STX16: variants seen among roughly 807,000 people sequenced by gnomAD.
STX16 encodes the protein syntaxin 16.
A neutral mutation model predicts 42.7 loss-of-function variants in STX16; 28 were observed. The ratio of observed to expected loss-of-function variants is 0.66; its 90% confidence interval spans 0.49 to 0.90. STX16 has a LOEUF of 0.90. Among genes scored for constraint, STX16 ranks in the 40% least tolerant of loss-of-function variants. STX16 has a pLI of 0.00. For synonymous variants in STX16, 156 were observed against 155.2 expected (o/e 1.00, Z -0.04); for missense variants, 361 against 420.9 (o/e 0.86, Z 1.24).
intron 1 of STX16, among the ~76,000 whole-genome samples, chr20:58,658,826 C>T (rs749309029): frequency 3.3e-5 from 5 of 152,162 alleles, no homozygotes; most frequent in Non-Finnish European, 7.3e-5. Context: ...TGTCATGCTT[C>T]TCCCTTCCCC....
rs2083480248 is a variant in STX16, at chr20:58,652,372, C to T, written c.132+234C>T. 8 of 123,448 alleles carry T rather than the reference C, an allele frequency of 6.5e-5. No individual in the cohort carries two copies. In the South Asian group the frequency reaches 8.3e-4, roughly 13 times the overall value. 7.6% of individuals were successfully genotyped at this position (123,448 alleles called of 1,614,324 possible). Reference sequence around the variant, plus strand: ...CGGTCTTCTCCTCACTTCCGCAGCACCCCCCCCCCCGCACCCCCCGCCTTG... The same window carrying T: ...CGGTCTTCTCCTCACTTCCGCAGCATCCCCCCCCCCGCACCCCCCGCCTTG... On this transcript the variant is annotated intron_variant, in intron 1 of 8. Transcript: ENST00000371141.
intron 2 of STX16, among the ~76,000 whole-genome samples, chr20:58,663,347 G>T (rs963601849): frequency 6.6e-6 from 1 of 152,218 alleles, no homozygotes; most frequent in Admixed American, 6.5e-5. Flanking sequence ...GAGAGAATGT[G>T]TATGTTCTTT....
At position 58,676,295 on chromosome 20, in the gene STX16, G is replaced by C. The variant is rs2084122844; in HGVS notation, c.*4G>C. On this transcript the variant is annotated 3_prime_UTR_variant, in exon 9 of 9. Transcript: ENST00000371141. ...CGTTGGCGTGAAGTCTCGATAAGTGGCATTGGGTTTTCGTGTGTGCCGCGC... is the reference window on the plus strand; with the variant it reads ...CGTTGGCGTGAAGTCTCGATAAGTGCCATTGGGTTTTCGTGTGTGCCGCGC... 5 of 1,613,650 alleles carry C rather than the reference G, an allele frequency of 3.1e-6. No homozygotes were observed. Among genetic ancestry groups the C allele is most frequent in the Middle Eastern group, 1.6e-4 (1 of 6,062 alleles).
intron 1 of STX16, among the ~76,000 whole-genome samples, chr20:58,655,910 A>G (rs542415617): frequency 6.6e-6 from 1 of 152,330 alleles, no homozygotes; most frequent in East Asian, 1.9e-4. Flanking sequence ...TAATTGTAAA[A>G]AAACAGACAG....
At chr20:58,673,796 C>T (rs778852450) in intron 8 of STX16, 85 bp downstream of exon 8, 2 of 961,634 alleles carry the variant, frequency 2.1e-6, no homozygotes, top group Non-Finnish European at 3.3e-6. Flanking sequence ...TCCACCATAA[C>T]GATCTTCAGC....
At chr20:58,672,751 T>C (rs1368241966) in intron 7 of STX16, among the ~76,000 whole-genome samples, 1 of 152,240 alleles carries the variant, frequency 6.6e-6, no homozygotes, top group South Asian at 2.1e-4. Flanking sequence ...TCTGACGCTA[T>C]AGAAGATTTC....
chr20:58,652,371 A>ACCCCCCCCCCCCCCCCCCCCC (rs11481928), intron 1 of STX16: 14 of 462,014 alleles, frequency 3.0e-5, no homozygotes, highest in African/African-American at 1.3e-4. Context: ...CTTCCGCAGC[A>ACCCCCCCCCCCCCCCCCCCCC]CCCCCCCCCC....
At chr20:58,667,218 T>A in intron 2 of STX16, 2 of 539,128 alleles carry the variant, frequency 3.7e-6, no homozygotes, top group South Asian at 3.2e-5. Flanking sequence ...AAGTCAAATT[T>A]ACGTTCTGAA....
At chr20:58,671,424 T>TTTC in intron 7 of STX16, 127 bp downstream of exon 7, 1 of 569,996 alleles carries the variant, frequency 1.8e-6, no homozygotes. Context: ...CACCTGTCCT[T>TTTC]TATGTGTGTG....
intron 4 of STX16, 77 bp downstream of exon 4, chr20:58,668,204 A>T: frequency 6.4e-7 from 1 of 1,557,154 alleles, no homozygotes; most frequent in Admixed American, 1.9e-5. Context: ...TGTTACTCAG[A>T]ATCAGTCTCC....
rs1321786556 is a variant in STX16, at chr20:58,667,971, G to A, written c.253-16G>A. On this transcript the variant is annotated splice_polypyrimidine_tract_variant and intron_variant, in intron 3 of 8. Coordinates refer to ENST00000371141, the MANE Select transcript of STX16 (RefSeq NM_001001433.3). ...CTGCCTGGCATCAGTGGAGTTCTGT[G>A]ACTTCATTTGCTTAGATTCAGTATG... The A allele has an allele frequency of 2.5e-6, 4 of 1,614,170 alleles. No individual in the cohort carries two copies. Among genetic ancestry groups the A allele is most frequent in the Non-Finnish European group, 3.4e-6 (4 of 1,180,022 alleles).
In STX16 at chr20:58,667,495, T is replaced by G. The variant is rs775594482; in HGVS notation, c.150T>G (p.Ala50=). 1.9e-6 allele frequency: 3 copies of G among 1,614,072 alleles called. No individual in the cohort carries two copies. The highest frequency in any genetic ancestry group is 2.7e-5 in the African/African-American group (2 of 75,058). The change falls in exon 3 of 9, where the codon GCT becomes GCG. Residue 50 remains alanine, a synonymous_variant. Coordinates refer to ENST00000371141, the MANE Select transcript of STX16 (RefSeq NM_001001433.3). ...GTCCCTTTACTTTCCTGTAGCTTGC[T>G]GATGACCGTATGGCACTGGTGTCAG... is the stretch of plus-strand genomic sequence containing the variant. ...RSIAAELDEL[A]DDRMALVSGI...
chr20:58,665,272 C>T (rs995125241), intron 2 of STX16, among the ~76,000 whole-genome samples: 3 of 152,204 alleles, frequency 2.0e-5, no homozygotes, highest in African/African-American at 4.8e-5. Flanking sequence ...CTGACACTAA[C>T]GTCACTCACT....
chr20:58,663,086 G>A (rs1477436749), intron 2 of STX16, among the ~76,000 whole-genome samples: 1 of 152,176 alleles, frequency 6.6e-6, no homozygotes, highest in Non-Finnish European at 1.5e-5. Flanking sequence ...GATTTTCAGT[G>A]TCCCTTCTGG....
chr20:58,666,374 T>G (rs1470465156), intron 2 of STX16, among the ~76,000 whole-genome samples: 1 of 151,898 alleles, frequency 6.6e-6, no homozygotes, highest in Non-Finnish European at 1.5e-5. Flanking sequence ...AGAAAACAGC[T>G]TAACCGTGCC....
intron 5 of STX16, 80 bp downstream of exon 5, chr20:58,669,533 AT>A: frequency 6.8e-7 from 1 of 1,481,440 alleles, no homozygotes; most frequent in Non-Finnish European, 9.1e-7. Flanking sequence ...CTATTTTTTC[AT>A]TTAGTCCAGT....
At chr20:58,673,895 A>G (rs1399175964) in intron 8 of STX16, among the ~76,000 whole-genome samples, 184 bp downstream of exon 8, 2 of 152,226 alleles carry the variant, frequency 1.3e-5, no homozygotes, top group South Asian at 4.1e-4. Context: ...TTGCCGTTTT[A>G]TTGCAGTTAA....
chr20:58,675,942 T>C (rs1427648959), intron 8 of STX16, among the ~76,000 whole-genome samples: 1 of 152,180 alleles, frequency 6.6e-6, no homozygotes, highest in Non-Finnish European at 1.5e-5. Context: ...TTTGTCTTAG[T>C]AGTAGGTTTC....
chr20:58,660,261 G>A (rs901003606), intron 2 of STX16, among the ~76,000 whole-genome samples: 8 of 152,178 alleles, frequency 5.3e-5, no homozygotes, highest in African/African-American at 1.9e-4. Context: ...TAAAAGGGTT[G>A]AGAAAAAATG....
Sources: allele counts gnomAD v4.1 joint callset (sites outside exome capture counted in the v4.1 genomes callset), GRCh38; gene constraint gnomAD v4.1.1; transcripts MANE v1.5; gene names NCBI Gene and HGNC (gene_info 2026-07-23, HGNC 2026-07-21).